The following PLXNA2 variants were observed in gnomAD, a reference collection of about 807,000 sequenced individuals.
The protein encoded by PLXNA2 is plexin A2, also known as plexin-A2.
A neutral mutation model predicts 193.5 loss-of-function variants in PLXNA2; 91 were observed. That is an observed-to-expected ratio of 0.47 (90% CI 0.40 to 0.56). PLXNA2 has a LOEUF of 0.56. Among genes scored for constraint, PLXNA2 ranks in the 20% least tolerant of loss-of-function variants. The probability of loss-of-function intolerance (pLI) is 0.00; values close to 1 mark genes in which losing one functional copy is unlikely to be tolerated. For missense variants in PLXNA2, 1,995 were observed against 2,503.2 expected (o/e 0.80, Z 4.33); for synonymous variants, 997 against 1,027.3 (o/e 0.97, Z 0.56).
At chr1:208,179,111 A>G (rs11804526) in intron 3 of PLXNA2, among the ~76,000 whole-genome samples, 2,691 of 152,322 alleles carry the variant, frequency 0.018, 74 homozygotes, top group African/African-American at 0.058. Flanking sequence ...GGACAGGGGC[A>G]GAGGCCCTGT....
At chr1:208,132,300 C>G (rs1045214109) in intron 4 of PLXNA2, among the ~76,000 whole-genome samples, 1 of 152,154 alleles carries the variant, frequency 6.6e-6, no homozygotes, top group Non-Finnish European at 1.5e-5. Flanking sequence ...GAACCCTTTT[C>G]CTAACTGGGA....
rs1343960509 is a variant in PLXNA2 at position 208,023,491 on chromosome 1, T to A, written c.*3752A>T. ...CAGGGGTCTTGACTGCTATTTCCTG[T>A]CCTCATTTGGTGGAACTGAAGGAAG... On this transcript the variant is annotated 3_prime_UTR_variant, in exon 32 of 32. Coordinates refer to ENST00000367033, the MANE Select transcript of PLXNA2 (RefSeq NM_025179.4). 1 of 152,816 alleles carries A rather than the reference T, an allele frequency of 6.5e-6. No homozygotes were observed. Among genetic ancestry groups the A allele is most frequent in the African/African-American group, 2.4e-5 (1 of 41,464 alleles). The allele number at this position is 152,816 out of a possible 1,614,324, so 9.5% of individuals were successfully genotyped here.
At chr1:208,157,688 G>A (rs1325562450) in intron 3 of PLXNA2, among the ~76,000 whole-genome samples, 1 of 152,174 alleles carries the variant, frequency 6.6e-6, no homozygotes, top group Non-Finnish European at 1.5e-5. Flanking sequence ...GAGTAGCTGT[G>A]TAAGGTTCCG....
intron 4 of PLXNA2, among the ~76,000 whole-genome samples, chr1:208,137,142 C>G (rs1333248882): frequency 6.6e-6 from 1 of 152,100 alleles, no homozygotes; most frequent in African/African-American, 2.4e-5. Flanking sequence ...ATCCCATGCC[C>G]CAGCACCCAC....
In PLXNA2 at chr1:208,169,342, G is replaced by A. The variant is rs117459103; in HGVS notation, c.1372-26879C>T. Among the ~76,000 whole-genome samples, 311 of 152,248 alleles carry A rather than the reference G, an allele frequency of 2.0e-3. 1 individual carries two copies. The highest frequency in any genetic ancestry group is 0.016 in the East Asian group (85 of 5,182). ...TGATGACAAGACACAGGGAGAGTTC[G>A]GACGGGTCACACATGATCAGCAAGT... On this transcript the variant is annotated intron_variant, in intron 3 of 31. Transcript: ENST00000367033.
chr1:208,064,027 T>C (rs1449451929), intron 12 of PLXNA2, among the ~76,000 whole-genome samples: 2 of 151,730 alleles, frequency 1.3e-5, no homozygotes, highest in Non-Finnish European at 2.9e-5. Flanking sequence ...CCCAAGCCAA[T>C]TACCCTCCCA....
At chr1:208,189,420 T>G (rs999119404) in intron 3 of PLXNA2, among the ~76,000 whole-genome samples, 1 of 151,230 alleles carries the variant, frequency 6.6e-6, no homozygotes, top group Non-Finnish European at 1.5e-5. Flanking sequence ...AGGCCCAGAA[T>G]AGGGAGGGAA....
intron 1 of PLXNA2, among the ~76,000 whole-genome samples, chr1:208,235,880 G>A (rs1327914518): frequency 6.6e-6 from 1 of 152,148 alleles, no homozygotes; most frequent in Non-Finnish European, 1.5e-5. Context: ...AGAGTGGGGC[G>A]GTAGACTCAA....
At chr1:208,031,209 G>C in intron 29 of PLXNA2, 1 of 1,051,680 alleles carries the variant, frequency 9.5e-7, no homozygotes, top group Non-Finnish European at 1.1e-6. Flanking sequence ...GCCCCACGAT[G>C]TCTGGCTGTG....
At chr1:208,156,712 C>T (rs550964445) in intron 3 of PLXNA2, among the ~76,000 whole-genome samples, 1 of 152,306 alleles carries the variant, frequency 6.6e-6, no homozygotes, top group South Asian at 2.1e-4. Flanking sequence ...CATCTAAGTG[C>T]CAACATAAAT....
intron 12 of PLXNA2, among the ~76,000 whole-genome samples, chr1:208,067,471 G>A (rs1034042380): frequency 6.6e-5 from 10 of 152,020 alleles, no homozygotes; most frequent in African/African-American, 2.4e-4. Context: ...GTACAGTAAC[G>A]TCCTAGGCCT....
In PLXNA2 at chr1:208,029,927, G is replaced by A. The variant is rs1184134026; in HGVS notation, c.5226-885C>T. Reference sequence around the variant, plus strand: ...ACTCTTTTGACTCCTCTGTGGAACCGGTCCTGTCACAGGCTTGTCCTCCAG... The same window carrying A: ...ACTCTTTTGACTCCTCTGTGGAACCAGTCCTGTCACAGGCTTGTCCTCCAG... On this transcript the variant is annotated intron_variant, in intron 29 of 31. Coordinates refer to ENST00000367033, the MANE Select transcript of PLXNA2 (RefSeq NM_025179.4). 1.0e-5 allele frequency: 10 copies of A among 985,272 alleles called. No individual in the cohort carries two copies. The Admixed American group carries it at 1.8e-4, about 18-fold the overall frequency. 61.0% of individuals were successfully genotyped at this position (985,272 alleles called of 1,614,324 possible). A position where few individuals can be genotyped will look rare whatever the true frequency, so the allele number is the denominator to read the frequency against.
At position 208,052,432 on chromosome 1, in the gene PLXNA2, C is replaced by T. The variant is rs765586959; in HGVS notation, c.2888G>A (p.Arg963Gln). ...NPSVLSLNPIRGPESGGTMVT... is the reference protein window; with the variant it reads ...NPSVLSLNPIQGPESGGTMVT... ...CATAGTGCCTCCTGACTCGGGACCT[C>T]GGATTGGGTTGAGTGACAGCACAGA... The change falls in exon 15 of 32, where the codon CGA (arginine) becomes CAA (glutamine). Residue 963 changes from arginine to glutamine, a missense_variant. Arg to Gln is a conservative substitution (Grantham distance 43). This residue lies in a region of PLXNA2 where 1,291 missense variants were observed against 1,673.6 expected (regional missense o/e 0.77). Transcript: ENST00000367033. 10 of 1,613,972 alleles carry T rather than the reference C, an allele frequency of 6.2e-6. No individual in the cohort carries two copies. The highest frequency in any genetic ancestry group is 3.3e-5 in the South Asian group (3 of 91,076).
At chr1:208,120,763 G>A (rs1667783577) in intron 4 of PLXNA2, among the ~76,000 whole-genome samples, 1 of 152,198 alleles carries the variant, frequency 6.6e-6, no homozygotes, top group South Asian at 2.1e-4. Context: ...GGTGGACTCA[G>A]AGACAGAATG....
chr1:208,222,617 T>C (rs762461241), intron 1 of PLXNA2, among the ~76,000 whole-genome samples: 5 of 152,174 alleles, frequency 3.3e-5, no homozygotes, highest in Non-Finnish European at 7.4e-5. Context: ...GCTGCGGGCG[T>C]CAGTGGCAAA....
chr1:208,112,341 C>T (rs904332607), intron 4 of PLXNA2, among the ~76,000 whole-genome samples: 1 of 152,246 alleles, frequency 6.6e-6, no homozygotes, highest in African/African-American at 2.4e-5. Context: ...TTGAAGGGGA[C>T]AGCCCTCAGT....
intron 12 of PLXNA2, among the ~76,000 whole-genome samples, chr1:208,071,074 G>A (rs899484607): frequency 1.3e-5 from 2 of 152,174 alleles, no homozygotes; most frequent in Non-Finnish European, 2.9e-5. Context: ...GCCCCTCTAT[G>A]GGCCTGCACA....
At chr1:208,061,947 C>T (rs562073262) in intron 12 of PLXNA2, among the ~76,000 whole-genome samples, 115 of 152,152 alleles carry the variant, frequency 7.6e-4, no homozygotes, top group African/African-American at 2.6e-3. Flanking sequence ...TACAGCAAGA[C>T]GAATGAGACC....
intron 3 of PLXNA2, among the ~76,000 whole-genome samples, chr1:208,199,786 G>T (rs565039654): frequency 6.6e-6 from 1 of 152,288 alleles, no homozygotes; most frequent in South Asian, 2.1e-4. Context: ...GCCTCCGTGG[G>T]TAAGAACCTG....
Sources: allele counts gnomAD v4.1 joint callset (sites outside exome capture counted in the v4.1 genomes callset), GRCh38; gene constraint gnomAD v4.1.1; regional missense constraint gnomAD v4.1.1; transcripts MANE v1.5; gene names NCBI Gene and HGNC (gene_info 2026-07-23, HGNC 2026-07-21).